RANBP2: variants seen among roughly 807,000 people sequenced by gnomAD.
The protein encoded by RANBP2 is E3 SUMO-protein ligase RanBP2.
RANBP2 carries 57 observed loss-of-function variants against 303.6 expected under a neutral mutation model. That is an observed-to-expected ratio of 0.19 (90% CI 0.15 to 0.23). The LOEUF (loss-of-function observed/expected upper bound fraction) is 0.23, where lower values mean the gene tolerates loss of function less well. Among genes scored for constraint, RANBP2 ranks in the 10% least tolerant of loss-of-function variants. RANBP2 has a pLI of 1.00. For missense variants in RANBP2, 3,138 were observed against 3,780.8 expected (o/e 0.83, Z 4.46); for synonymous variants, 1,167 against 1,301.5 (o/e 0.90, Z 2.23).
At chr2:109,072,193 A>G in the RANBP2 span, among the ~76,000 whole-genome samples, 2 of 152,212 alleles carry the variant, frequency 1.3e-5, no homozygotes, top group African/African-American at 4.8e-5. Context: ...GACTTAGAAT[A>G]CTGGGTAGGA....
chr2:109,178,776 A>G, the RANBP2 span, among the ~76,000 whole-genome samples: 1 of 152,160 alleles, frequency 6.6e-6, no homozygotes. Context: ...TAGATTTCGT[A>G]GGTGTCTCTG....
chr2:109,387,236 T>C, the RANBP2 span, among the ~76,000 whole-genome samples: 5 of 152,234 alleles, frequency 3.3e-5, no homozygotes, highest in Non-Finnish European at 7.3e-5. Context: ...GAGAATATTC[T>C]CATAACATGA....
At chr2:108,798,654 A>G in the RANBP2 span, 1 of 1,268,716 alleles carries the variant, frequency 7.9e-7, no homozygotes, top group Middle Eastern at 2.8e-4. Flanking sequence ...ACTAGTTACT[A>G]ACATTTTGTC....
At chr2:109,737,437 A>G in the RANBP2 span, 2 of 649,190 alleles carry the variant, frequency 3.1e-6, no homozygotes, top group Non-Finnish European at 5.5e-6. Context: ...TCCATCTTCT[A>G]TGGGGTGGGT....
the RANBP2 span, among the ~76,000 whole-genome samples, chr2:108,828,770 A>G: frequency 1.3e-5 from 2 of 152,170 alleles, no homozygotes; most frequent in Non-Finnish European, 2.9e-5. Flanking sequence ...CCAGGTCAGG[A>G]GTTCGAGACC....
chr2:109,383,441 A>G, the RANBP2 span, among the ~76,000 whole-genome samples: 3 of 152,190 alleles, frequency 2.0e-5, no homozygotes, highest in Non-Finnish European at 2.9e-5. Context: ...ATTATGACCA[A>G]GGTTGACACT....
the RANBP2 span, among the ~76,000 whole-genome samples, chr2:109,183,602 TA>T: frequency 0.86 from 131,009 of 152,090 alleles, 56,565 homozygotes; most frequent in African/African-American, 0.91. Flanking sequence ...ATTTTTGAGA[TA>T]AAAAAAATGA....
At chr2:109,068,656 G>T in the RANBP2 span, among the ~76,000 whole-genome samples, 1 of 152,200 alleles carries the variant, frequency 6.6e-6, no homozygotes, top group Admixed American at 6.5e-5. Context: ...GAGGGGAAGA[G>T]TGTTGGACTT....
At chr2:109,038,049 A>C in the RANBP2 span, among the ~76,000 whole-genome samples, 1 of 152,222 alleles carries the variant, frequency 6.6e-6, no homozygotes, top group Non-Finnish European at 1.5e-5. Flanking sequence ...CTGTGTAGCT[A>C]CAGTAATCAA....
At chr2:109,421,645 C>T in the RANBP2 span, among the ~76,000 whole-genome samples, 1 of 152,198 alleles carries the variant, frequency 6.6e-6, no homozygotes, top group Non-Finnish European at 1.5e-5. Flanking sequence ...CCACCTTCTC[C>T]CTCTGGGCTT....
At chr2:109,401,261 C>G in the RANBP2 span, among the ~76,000 whole-genome samples, 1 of 152,168 alleles carries the variant, frequency 6.6e-6, no homozygotes, top group East Asian at 1.9e-4. Flanking sequence ...TGTGAACAGT[C>G]GAAAGTTGTG....
the RANBP2 span, among the ~76,000 whole-genome samples, chr2:109,239,577 G>A: frequency 1.2e-4 from 19 of 152,328 alleles, no homozygotes; most frequent in East Asian, 3.5e-3. Context: ...AGACACCATT[G>A]TTTGCACACA....
the RANBP2 span, among the ~76,000 whole-genome samples, chr2:109,654,097 G>C: frequency 6.6e-6 from 1 of 152,108 alleles, no homozygotes; most frequent in Non-Finnish European, 1.5e-5. Flanking sequence ...CAGACAGTGT[G>C]GGAGGGGTTA....
At chr2:109,390,407 A>G in the RANBP2 span, among the ~76,000 whole-genome samples, 1 of 152,178 alleles carries the variant, frequency 6.6e-6, no homozygotes, top group Non-Finnish European at 1.5e-5. Context: ...ATGGACTTGG[A>G]CACATTCCTA....
intron 15 of RANBP2, 101 bp downstream of exon 15, chr2:108,754,072 T>C (rs528523910): frequency 1.3e-4 from 208 of 1,608,068 alleles, no homozygotes; most frequent in Non-Finnish European, 1.7e-4. Flanking sequence ...TACTCAGTAA[T>C]ATGTTGTTAT....
At chr2:109,337,360 A>G in the RANBP2 span, among the ~76,000 whole-genome samples, 1 of 152,196 alleles carries the variant, frequency 6.6e-6, no homozygotes, top group Non-Finnish European at 1.5e-5. Flanking sequence ...CCCTGCTCCC[A>G]TCTGTCCTGT....
chr2:109,147,266 A>C, the RANBP2 span, among the ~76,000 whole-genome samples: 1 of 152,102 alleles, frequency 6.6e-6, no homozygotes, highest in Non-Finnish European at 1.5e-5. Context: ...AGATGTAAAT[A>C]TGGGGGTGTG....
At chr2:108,719,778 C>T in intron 1 of RANBP2, 100 bp downstream of exon 1, 1 of 1,527,704 alleles carries the variant, frequency 6.5e-7, no homozygotes, top group Admixed American at 2.1e-5. Flanking sequence ...CTCCCTGGCG[C>T]GCTCTGTTGA....
chr2:109,592,086 C>T, the RANBP2 span, among the ~76,000 whole-genome samples: 1 of 152,164 alleles, frequency 6.6e-6, no homozygotes, highest in South Asian at 2.1e-4. Context: ...ATCAGGGAGG[C>T]AGCTGGCAGG....
Sources: allele counts gnomAD v4.1 joint callset (sites outside exome capture counted in the v4.1 genomes callset), GRCh38; gene constraint gnomAD v4.1.1; transcripts MANE v1.5; gene names NCBI Gene and HGNC (gene_info 2026-07-23, HGNC 2026-07-21).